Variants in NRG3 observed in about 807,000 individuals in gnomAD.
NRG3 encodes pro-neuregulin-3, membrane-bound isoform.
In NRG3, 31 loss-of-function variants were observed where a neutral mutation model predicts 66.9. The observed-to-expected ratio is 0.46, with a 90% CI of 0.35 to 0.63. The LOEUF (loss-of-function observed/expected upper bound fraction) is 0.63. Ranked by LOEUF, NRG3 falls within the 20% of genes least tolerant of loss-of-function variation. NRG3 has a pLI of 0.00. For missense variants in NRG3, 910 were observed against 878.9 expected (o/e 1.04, Z -0.45); for synonymous variants, 393 against 359.4 (o/e 1.09, Z -1.06).
chr10:82,452,710 A>G (rs1227902173), intron 2 of NRG3, among the ~76,000 whole-genome samples: 3 of 152,012 alleles, frequency 2.0e-5, no homozygotes, highest in African/African-American at 7.2e-5. Context: ...AACCCCTTAT[A>G]ATAAGCACAT....
intron 7 of NRG3, among the ~76,000 whole-genome samples, chr10:82,974,859 T>C (rs1223565875): frequency 6.6e-6 from 1 of 152,198 alleles, no homozygotes; most frequent in African/African-American, 2.4e-5. Context: ...TCCTTCACCT[T>C]TTAATGAGTT....
chr10:82,442,784 AT>A (rs61261285), intron 2 of NRG3, among the ~76,000 whole-genome samples: 143 of 54,256 alleles, frequency 2.6e-3, no homozygotes, highest in African/African-American at 5.6e-3. Flanking sequence ...TTCTGTGTGG[AT>A]TTTTTTTTTT....
intron 2 of NRG3, among the ~76,000 whole-genome samples, chr10:82,676,874 G>A (rs1422486460): frequency 6.6e-6 from 1 of 151,860 alleles, no homozygotes; most frequent in Non-Finnish European, 1.5e-5. Context: ...GCTTTTAAGG[G>A]GAGTTAACGC....
chr10:82,463,712 A>G (rs1347101346), intron 2 of NRG3, among the ~76,000 whole-genome samples: 1 of 152,214 alleles, frequency 6.6e-6, no homozygotes, highest in African/African-American at 2.4e-5. Flanking sequence ...CAGCTACCAC[A>G]TGGCAGAGAA....
intron 1 of NRG3, among the ~76,000 whole-genome samples, chr10:81,879,512 C>T (rs1481539661): frequency 6.6e-6 from 1 of 152,100 alleles, no homozygotes; most frequent in Non-Finnish European, 1.5e-5. Flanking sequence ...CAGGTGGTAG[C>T]CCGGAGTCAT....
chr10:82,926,222 T>G (rs4442490), intron 4 of NRG3, among the ~76,000 whole-genome samples: 85,743 of 152,080 alleles, frequency 0.56, 25,565 homozygotes, highest in East Asian at 0.77. Context: ...TTGTATTAGG[T>G]ATTATAAGTA....
At chr10:82,277,204 A>G (rs944586494) in intron 1 of NRG3, among the ~76,000 whole-genome samples, 1 of 152,054 alleles carries the variant, frequency 6.6e-6, no homozygotes, top group African/African-American at 2.4e-5. Context: ...AAGGCCTCTA[A>G]GTACGTTTTG....
intron 2 of NRG3, among the ~76,000 whole-genome samples, chr10:82,670,920 C>T (rs1460869924): frequency 2.6e-5 from 4 of 152,154 alleles, no homozygotes. Context: ...CATTTCCCAT[C>T]AATTCTCATC....
chr10:82,581,473 C>A (rs991856985), intron 2 of NRG3, among the ~76,000 whole-genome samples: 26 of 151,760 alleles, frequency 1.7e-4, no homozygotes, highest in Non-Finnish European at 2.2e-4. Flanking sequence ...AGTCCCACAC[C>A]AATTTTTTTC....
chr10:82,537,830 CTGAG>C (rs2043266070), intron 2 of NRG3, among the ~76,000 whole-genome samples: 1 of 152,070 alleles, frequency 6.6e-6, no homozygotes, highest in African/African-American at 2.4e-5. Flanking sequence ...GGGGTTTAGA[CTGAG>C]TGAGTATGAA....
intron 1 of NRG3, among the ~76,000 whole-genome samples, chr10:82,079,924 G>T (rs1393141281): frequency 3.3e-5 from 5 of 152,062 alleles, no homozygotes; most frequent in Non-Finnish European, 7.4e-5. Flanking sequence ...GATTTATTTG[G>T]TTATGAATCA....
intron 1 of NRG3, among the ~76,000 whole-genome samples, chr10:82,110,140 C>T (rs936818704): frequency 6.6e-6 from 1 of 152,080 alleles, no homozygotes; most frequent in Non-Finnish European, 1.5e-5. Flanking sequence ...AATTGGAATA[C>T]CAGGGCCAGG....
intron 4 of NRG3, among the ~76,000 whole-genome samples, chr10:82,912,590 T>C (rs1845424444): frequency 6.6e-6 from 1 of 152,184 alleles, no homozygotes; most frequent in Non-Finnish European, 1.5e-5. Context: ...TTCATCTTGT[T>C]TTTAAAAATA....
chr10:82,362,079 CAAAAAAAAAAAAAAAAAAA>C (rs58975630), intron 2 of NRG3, among the ~76,000 whole-genome samples: 74 of 13,916 alleles, frequency 5.3e-3, no homozygotes, highest in South Asian at 5.4e-3. Context: ...AAAGTACATG[CAAAAAAAAAAAAAAAAAAA>C]AAAAAAAAAA....
In NRG3 at chr10:82,827,204, T is replaced by TAA. The variant is rs5786573; in HGVS notation, c.1028-38180_1028-38179dup. On this transcript the variant is annotated intron_variant, in intron 3 of 8. Transcript: ENST00000372141. Reference sequence around the variant, plus strand: ...TGTGAGACTTTTTGTTACCAAATTGTAAAAAAAAAAAAAAAAAAAAAAAAA... The same window carrying TAA: ...TGTGAGACTTTTTGTTACCAAATTGTAAAAAAAAAAAAAAAAAAAAAAAAAAA... 503 of 193,122 alleles carry TAA rather than the reference T, an allele frequency of 2.6e-3. 6 individuals are homozygous for TAA. Among genetic ancestry groups the TAA allele is most frequent in the African/African-American group, 0.011 (319 of 28,772 alleles). The allele number at this position is 193,122 out of a possible 1,614,324, so 12.0% of individuals were successfully genotyped here.
chr10:82,370,447 G>C (rs2084809955), intron 2 of NRG3, among the ~76,000 whole-genome samples: 1 of 138,320 alleles, frequency 7.2e-6, no homozygotes. Context: ...CTGCCCTGGA[G>C]CTTGTGGTTC....
intron 1 of NRG3, among the ~76,000 whole-genome samples, chr10:82,144,450 C>T (rs1446228593): frequency 1.3e-5 from 2 of 152,190 alleles, no homozygotes; most frequent in Admixed American, 6.5e-5. Flanking sequence ...GACACCTGGC[C>T]ATCTTCCATT....
intron 1 of NRG3, among the ~76,000 whole-genome samples, chr10:82,036,351 G>A (rs2062789780): frequency 6.6e-6 from 1 of 152,098 alleles, no homozygotes; most frequent in African/African-American, 2.4e-5. Flanking sequence ...CCAAGTGTTA[G>A]GCTATCTGCT....
At chr10:82,539,168 AC>A (rs1380698736) in intron 2 of NRG3, among the ~76,000 whole-genome samples, 2 of 152,200 alleles carry the variant, frequency 1.3e-5, no homozygotes, top group African/African-American at 4.8e-5. Context: ...CATACCTGTA[AC>A]ACTGCCTGAA....
Sources: allele counts gnomAD v4.1 joint callset (sites outside exome capture counted in the v4.1 genomes callset), GRCh38; gene constraint gnomAD v4.1.1; transcripts MANE v1.5; gene names NCBI Gene and HGNC (gene_info 2026-07-23, HGNC 2026-07-21).